TAFA1: variants seen among roughly 807,000 people sequenced by gnomAD.
TAFA1 encodes the protein chemokine-like protein TAFA-1.
TAFA1 carries 4 observed loss-of-function variants against 18.5 expected under a neutral mutation model. That is an observed-to-expected ratio of 0.22 (90% CI 0.11 to 0.49). The LOEUF (loss-of-function observed/expected upper bound fraction) is 0.49. Ranked by LOEUF, TAFA1 falls within the 20% of genes least tolerant of loss-of-function variation. The pLI is 0.98. For missense variants in TAFA1, 147 were observed against 169.0 expected (o/e 0.87, Z 0.72); for synonymous variants, 56 against 55.2 (o/e 1.01, Z -0.06).
At chr3:68,535,780 T>G (rs2073270151) in intron 3 of TAFA1, among the ~76,000 whole-genome samples, 1 of 152,020 alleles carries the variant, frequency 6.6e-6, no homozygotes, top group Non-Finnish European at 1.5e-5. Context: ...ATAGTAATCT[T>G]GGATATGAGC....
chr3:68,105,839 C>T (rs1170203443), intron 2 of TAFA1, among the ~76,000 whole-genome samples: 1 of 152,020 alleles, frequency 6.6e-6, no homozygotes, highest in African/African-American at 2.4e-5. Flanking sequence ...AGCTGCCTCC[C>T]TATGTAAACC....
intron 3 of TAFA1, among the ~76,000 whole-genome samples, chr3:68,522,580 G>T (rs1575948177): frequency 6.6e-6 from 1 of 152,350 alleles, no homozygotes; most frequent in East Asian, 1.9e-4. Flanking sequence ...CAGGTACAGA[G>T]GCTCATGCCT....
At chr3:68,378,863 T>A (rs1301176066) in intron 2 of TAFA1, among the ~76,000 whole-genome samples, 1 of 152,206 alleles carries the variant, frequency 6.6e-6, no homozygotes, top group Admixed American at 6.5e-5. Context: ...CTTGCCACCA[T>A]GTGAAGAAGG....
At chr3:68,123,497 A>G (rs1222944707) in intron 2 of TAFA1, among the ~76,000 whole-genome samples, 2 of 152,160 alleles carry the variant, frequency 1.3e-5, no homozygotes, top group Admixed American at 1.3e-4. Flanking sequence ...TATATTGCCC[A>G]AGGAGACATA....
intron 3 of TAFA1, among the ~76,000 whole-genome samples, chr3:68,492,734 T>C (rs1293449050): frequency 6.6e-6 from 1 of 152,204 alleles, no homozygotes; most frequent in Non-Finnish European, 1.5e-5. Flanking sequence ...TTTTTCTTCT[T>C]CTTCTTCTTG....
chr3:68,206,808 T>C (rs1487671479), intron 2 of TAFA1, among the ~76,000 whole-genome samples: 2 of 151,936 alleles, frequency 1.3e-5, no homozygotes, highest in Non-Finnish European at 2.9e-5. Flanking sequence ...TTGTACCTCA[T>C]TGGACTAACT....
chr3:68,104,141 T>C (rs1261128071), intron 2 of TAFA1, among the ~76,000 whole-genome samples: 1 of 152,142 alleles, frequency 6.6e-6, no homozygotes, highest in Non-Finnish European at 1.5e-5. Flanking sequence ...TCTGTACTCA[T>C]GGCTACTTTA....
intron 2 of TAFA1, among the ~76,000 whole-genome samples, chr3:68,067,607 A>T (rs1356741345): frequency 1.3e-5 from 2 of 152,086 alleles, no homozygotes; most frequent in African/African-American, 2.4e-5. Flanking sequence ...TTACAGGATT[A>T]TTTTTACTGT....
chr3:68,164,754 T>C (rs1355516422), intron 2 of TAFA1, among the ~76,000 whole-genome samples: 1 of 152,122 alleles, frequency 6.6e-6, no homozygotes, highest in African/African-American at 2.4e-5. Flanking sequence ...TTATCTATGA[T>C]GTATTTTTCC....
intron 3 of TAFA1, among the ~76,000 whole-genome samples, chr3:68,427,832 T>C (rs1027622430): frequency 6.6e-6 from 1 of 151,934 alleles, no homozygotes; most frequent in Non-Finnish European, 1.5e-5. Context: ...GTTCTTGTGA[T>C]AGTGAATAAG....
At chr3:68,408,968 C>T (rs2070662751) in intron 2 of TAFA1, among the ~76,000 whole-genome samples, 1 of 152,296 alleles carries the variant, frequency 6.6e-6, no homozygotes, top group East Asian at 1.9e-4. Context: ...TGTTGTCCTT[C>T]CTCCTTATAG....
intron 2 of TAFA1, among the ~76,000 whole-genome samples, chr3:68,343,879 T>C (rs1478776362): frequency 2.0e-5 from 3 of 152,364 alleles, no homozygotes; most frequent in Non-Finnish European, 4.4e-5. Flanking sequence ...GTTTTGCTCC[T>C]GTTGCCCAGG....
intron 3 of TAFA1, among the ~76,000 whole-genome samples, chr3:68,432,042 CA>C (rs1435118891): frequency 6.6e-6 from 1 of 151,944 alleles, no homozygotes; most frequent in African/African-American, 2.4e-5. Flanking sequence ...TAGTTTTGGT[CA>C]GGGGTTAATA....
intron 2 of TAFA1, among the ~76,000 whole-genome samples, chr3:68,370,034 A>C (rs1038505718): frequency 1.3e-5 from 2 of 151,648 alleles, no homozygotes; most frequent in Non-Finnish European, 2.9e-5. Flanking sequence ...CACTCCTGTA[A>C]TCCCAGCACT....
At chr3:68,040,336 C>T (rs1705137463) in intron 2 of TAFA1, among the ~76,000 whole-genome samples, 1 of 152,100 alleles carries the variant, frequency 6.6e-6, no homozygotes, top group Non-Finnish European at 1.5e-5. Context: ...CACCTTAACA[C>T]TCTCTGACTG....
chr3:68,262,349 A>ATATT (rs1553662624), intron 2 of TAFA1, among the ~76,000 whole-genome samples: 1,208 of 78,668 alleles, frequency 0.015, 77 homozygotes, highest in Non-Finnish European at 0.018. Context: ...ATATATATAT[A>ATATT]TATATATATT....
At chr3:68,275,033 C>T (rs7620521) in intron 2 of TAFA1, among the ~76,000 whole-genome samples, 13,528 of 151,966 alleles carry the variant, frequency 0.089, 708 homozygotes, top group South Asian at 0.13. Flanking sequence ...AGTTATATTA[C>T]ATGTTGTATT....
At chr3:68,490,541 A>G (rs537742607) in intron 3 of TAFA1, among the ~76,000 whole-genome samples, 142 of 152,298 alleles carry the variant, frequency 9.3e-4, no homozygotes, top group African/African-American at 3.2e-3. Flanking sequence ...ACAACATATC[A>G]TAAAAGTTTG....
intron 3 of TAFA1, among the ~76,000 whole-genome samples, chr3:68,537,154 A>G (rs1007633496): frequency 6.6e-6 from 1 of 152,178 alleles, no homozygotes; most frequent in Non-Finnish European, 1.5e-5. Flanking sequence ...TCTGTGCTCT[A>G]CAAAAGCTAA....
Sources: allele counts gnomAD v4.1 joint callset (sites outside exome capture counted in the v4.1 genomes callset), GRCh38; gene constraint gnomAD v4.1.1; transcripts MANE v1.5; gene names NCBI Gene and HGNC (gene_info 2026-07-23, HGNC 2026-07-21).